The following DMRT3 variants were observed in gnomAD, a reference collection of about 807,000 sequenced individuals.
DMRT3 encodes the protein doublesex and mab-3 related transcription factor 3.
Under a neutral mutation model 34.9 loss-of-function variants are expected in DMRT3, and 29 were observed. The ratio of observed to expected loss-of-function variants is 0.83; its 90% confidence interval spans 0.62 to 1.13. The LOEUF is 1.13. DMRT3 is among the 50% of genes most tolerant of loss of function. The probability of loss-of-function intolerance (pLI) is 0.00; values close to 1 mark genes in which losing one functional copy is unlikely to be tolerated. For synonymous variants in DMRT3, 350 were observed against 286.0 expected (o/e 1.22, Z -2.26); for missense variants, 772 against 629.1 (o/e 1.23, Z -2.43).
intron 1 of DMRT3, among the ~76,000 whole-genome samples, chr9:986,890 C>CA (rs5895884): frequency 0.54 from 75,001 of 138,570 alleles, 20,570 homozygotes; most frequent in Middle Eastern, 0.7. Flanking sequence ...GACTCTGTCT[C>CA]AAAAAAAAAA....
In DMRT3 at chr9:977,167, G is replaced by A. The variant is rs762982413; in HGVS notation, c.166G>A (p.Glu56Lys). 6.2e-7 allele frequency: 1 copy of A among 1,611,624 alleles called. No homozygotes were observed. The highest frequency in any genetic ancestry group is 2.2e-5 in the East Asian group (1 of 44,820). The change falls in exon 1 of 2, where the codon GAG (glutamate) becomes AAG (lysine). Residue 56 changes from glutamate to lysine, a missense_variant. Glu to Lys is a moderately conservative substitution (Grantham distance 56). Transcript: ENST00000190165. ...RYCRFKDCTC[E>K]KCILIIERQR... Reference sequence around the variant, plus strand: ...CTGCCGCTTCAAGGACTGCACCTGCGAGAAGTGCATCCTCATCATCGAGCG... The same window carrying A: ...CTGCCGCTTCAAGGACTGCACCTGCAAGAAGTGCATCCTCATCATCGAGCG...
rs1379755608 is a variant in DMRT3, at chr9:977,014, G to A, written c.13G>A (p.Gly5Ser). The change falls in exon 1 of 2, where the codon GGC (glycine) becomes AGC (serine). Residue 5 changes from glycine to serine, a missense_variant. Coordinates refer to ENST00000190165, the MANE Select transcript of DMRT3 (RefSeq NM_021240.4). MNGY[G>S]SPYLYMGGPV... is the part of the protein sequence containing the mutation. ...GGGAGCCCGGGGCATGAACGGCTAC[G>A]GCTCCCCCTACCTGTACATGGGCGG... 1.3e-6 allele frequency: 2 copies of A among 1,515,978 alleles called. No homozygotes were observed. The highest frequency in any genetic ancestry group is 4.6e-5 in the Admixed American group (2 of 43,914). 93.9% of individuals were successfully genotyped at this position (1,515,978 alleles called of 1,614,324 possible).
chr9:990,975 A>G lies in DMRT3; in HGVS notation c.1389A>G (p.Ser463=), dbSNP rs1438471683. Residue 463 remains serine (S), a synonymous_variant, in exon 2 of 2, where the codon TCA becomes TCG. Transcript: ENST00000190165. ...ACTATGACGAGAGGTCTGACTCCTC[A>G]GACTCTAGAACACTCAACACATCAT... ...EDDYDERSDS[S]DSRTLNTSS The G allele has an allele frequency of 2.5e-6, 4 of 1,613,874 alleles. No homozygotes were observed. The highest frequency in any genetic ancestry group is 2.2e-5 in the South Asian group (2 of 91,054).
chr9:987,431 TG>T (rs1820300037), intron 1 of DMRT3, among the ~76,000 whole-genome samples: 1 of 145,714 alleles, frequency 6.9e-6, no homozygotes, highest in African/African-American at 2.7e-5. Context: ...TGTGTGTGTG[TG>T]TGTGTGTGTG....
chr9:979,795 A>G (rs1304413900), intron 1 of DMRT3, among the ~76,000 whole-genome samples: 2 of 152,144 alleles, frequency 1.3e-5, no homozygotes, highest in Non-Finnish European at 2.9e-5. Context: ...TAGGTATTAT[A>G]CCCTTTTTGC....
In DMRT3 at chr9:990,572, C is replaced by T. The variant is rs1820346141; in HGVS notation, c.986C>T (p.Ser329Phe). Reference sequence around the variant, plus strand: ...TACCCCATCTCGTCTTCCAAATGGTCTGTGGGATCAGCCTTTCGAGTCCCA... The same window carrying T: ...TACCCCATCTCGTCTTCCAAATGGTTTGTGGGATCAGCCTTTCGAGTCCCA... Reference protein sequence around the residue: ...SSYPISSSKWSVGSAFRVPDT... With the variant: ...SSYPISSSKWFVGSAFRVPDT... Residue 329 changes from serine to phenylalanine, a missense_variant, in exon 2 of 2, where the codon TCT becomes TTT. Physicochemically the swap from Ser to Phe is radical, Grantham distance 155 (BLOSUM62 -2). Transcript: ENST00000190165. 5.0e-6 allele frequency: 8 copies of T among 1,614,134 alleles called. No individual in the cohort carries two copies. Among genetic ancestry groups the T allele is most frequent in the Non-Finnish European group, 6.8e-6 (8 of 1,180,038 alleles).
In DMRT3 at chr9:990,228, C is replaced by G; in HGVS notation, c.642C>G (p.Pro214=). The G allele has an allele frequency of 3.0e-5, 48 of 1,614,026 alleles. No homozygotes were observed. Among genetic ancestry groups the G allele is most frequent in the Non-Finnish European group, 4.0e-5 (47 of 1,180,020 alleles). ...CTGTCCAGAAAAACGGAGGCAACCC[C>G]GAGAGCCGCCCTGACAGCCCCAAGT... ...GYAVQKNGGN[P]ESRPDSPKCH... is the part of the protein sequence containing the mutation. The change falls in exon 2 of 2, where the codon CCC becomes CCG. Residue 214 remains proline (P), a synonymous_variant. Coordinates refer to ENST00000190165, the MANE Select transcript of DMRT3 (RefSeq NM_021240.4).
In DMRT3 at chr9:991,016, G is replaced by A. The variant is rs867636559; in HGVS notation, c.*11G>A. The stretch of plus-strand genomic sequence containing the variant: ...AACACATCATCTTAAAGTGGTGCTG[G>A]ATGGGTGGTGGCCAGGTGACATTTT... On this transcript the variant is annotated 3_prime_UTR_variant, in exon 2 of 2. Coordinates refer to ENST00000190165, the MANE Select transcript of DMRT3 (RefSeq NM_021240.4). 2 of 1,596,040 alleles carry A rather than the reference G, an allele frequency of 1.3e-6. No homozygotes were observed. Among genetic ancestry groups the A allele is most frequent in the Non-Finnish European group, 8.6e-7 (1 of 1,167,402 alleles).
chr9:983,254 A>C (rs572306970), intron 1 of DMRT3, among the ~76,000 whole-genome samples: 1 of 152,340 alleles, frequency 6.6e-6, no homozygotes, highest in African/African-American at 2.4e-5. Context: ...CTTGATTACA[A>C]CAACTAGGCA....
In DMRT3 at chr9:990,233, G is replaced by T; in HGVS notation, c.647G>T (p.Ser216Ile). 1 of 1,614,042 alleles carries T rather than the reference G, an allele frequency of 6.2e-7. No individual in the cohort carries two copies. Among genetic ancestry groups the T allele is most frequent in the Non-Finnish European group, 8.5e-7 (1 of 1,180,040 alleles). The change falls in exon 2 of 2, where the codon AGC becomes ATC. Residue 216 changes from serine to isoleucine, a missense_variant. Transcript: ENST00000190165. Reference sequence around the variant, plus strand: ...CAGAAAAACGGAGGCAACCCCGAGAGCCGCCCTGACAGCCCCAAGTGTCAC... The same window carrying T: ...CAGAAAAACGGAGGCAACCCCGAGATCCGCCCTGACAGCCCCAAGTGTCAC... ...AVQKNGGNPE[S>I]RPDSPKCHAE... is the part of the protein sequence containing the mutation.
Position 990,792 on chromosome 9 carries a change from G to C in DMRT3, c.1206G>C (p.Gln402His). The C allele has an allele frequency of 6.2e-7, 1 of 1,614,170 alleles. No individual in the cohort carries two copies. The highest frequency in any genetic ancestry group is 2.2e-5 in the East Asian group (1 of 44,878). The change falls in exon 2 of 2, where the codon CAG becomes CAC. Residue 402 changes from glutamine (Q) to histidine (H), a missense_variant. Coordinates refer to ENST00000190165, the MANE Select transcript of DMRT3 (RefSeq NM_021240.4). ...CCATGACGCTGCAGCAGCAGTATCA[G>C]CTGAGGTCCCAGTATGTCAGTCCTT... Reference protein sequence around the residue: ...WNTMTLQQQYQLRSQYVSPFP... With the variant: ...WNTMTLQQQYHLRSQYVSPFP...
In DMRT3 at chr9:990,577, G is replaced by A; in HGVS notation, c.991G>A (p.Gly331Arg). The change falls in exon 2 of 2, where the codon GGA becomes AGA. Residue 331 changes from glycine to arginine, a missense_variant. By Grantham distance (125) the Gly-to-Arg change is moderately radical. Coordinates refer to ENST00000190165, the MANE Select transcript of DMRT3 (RefSeq NM_021240.4). Reference protein sequence around the residue: ...YPISSSKWSVGSAFRVPDTLR... With the variant: ...YPISSSKWSVRSAFRVPDTLR... ...CATCTCGTCTTCCAAATGGTCTGTGGGATCAGCCTTTCGAGTCCCAGACAC... is the reference window on the plus strand; with the variant it reads ...CATCTCGTCTTCCAAATGGTCTGTGAGATCAGCCTTTCGAGTCCCAGACAC... 3 of 1,614,106 alleles carry A rather than the reference G, an allele frequency of 1.9e-6. No individual in the cohort carries two copies. The highest frequency in any genetic ancestry group is 8.5e-7 in the Non-Finnish European group (1 of 1,180,030).
intron 1 of DMRT3, among the ~76,000 whole-genome samples, chr9:985,714 A>G (rs1820275227): frequency 1.3e-5 from 2 of 152,222 alleles, no homozygotes; most frequent in Non-Finnish European, 2.9e-5. Context: ...TTGTTTGGTG[A>G]GGAGTTATTC....
Position 990,076 on chromosome 9 carries a change from G to C in DMRT3, c.490G>C (p.Ala164Pro), listed in dbSNP as rs10978001. Reference sequence around the variant, plus strand: ...AGAACGACTTGGAGACGGCAAGTCGGCAGACAATACAGAGGTCTTCAGTGA... The same window carrying C: ...AGAACGACTTGGAGACGGCAAGTCGCCAGACAATACAGAGGTCTTCAGTGA... ...TEERLGDGKSADNTEVFSDKD... is the reference protein window; with the variant it reads ...TEERLGDGKSPDNTEVFSDKD... Residue 164 changes from alanine (A) to proline (P), a missense_variant, in exon 2 of 2, where the codon GCA (alanine) becomes CCA (proline). Ala to Pro is a conservative substitution (Grantham distance 27, BLOSUM62 -1). Transcript: ENST00000190165. The C allele has an allele frequency of 1.9e-6, 3 of 1,613,746 alleles. No individual in the cohort carries two copies. The Admixed American group carries it at 5.0e-5, about 27-fold the overall frequency.
intron 1 of DMRT3, among the ~76,000 whole-genome samples, chr9:983,458 A>G (rs1346080700): frequency 6.6e-6 from 1 of 152,190 alleles, no homozygotes; most frequent in African/African-American, 2.4e-5. Context: ...TCACTGTGAA[A>G]TATAACCAAC....
intron 1 of DMRT3, among the ~76,000 whole-genome samples, chr9:985,061 G>C (rs771045956): frequency 1.3e-5 from 2 of 152,018 alleles, no homozygotes; most frequent in Admixed American, 6.6e-5. Context: ...CTTTTTAATT[G>C]AATATCTACT....
At chr9:982,788 C>A (rs1396518009) in intron 1 of DMRT3, among the ~76,000 whole-genome samples, 5 of 152,210 alleles carry the variant, frequency 3.3e-5, no homozygotes, top group Non-Finnish European at 7.3e-5. Context: ...CATGGGCCTG[C>A]CTGCCCTGCC....
chr9:981,308 G>T (rs1191467855), intron 1 of DMRT3, among the ~76,000 whole-genome samples: 2 of 151,730 alleles, frequency 1.3e-5, no homozygotes, highest in African/African-American at 4.8e-5. Flanking sequence ...ACCTGCAAGT[G>T]TAATGGGTGT....
Position 991,005 on chromosome 9 carries a change from A to T in DMRT3, c.1419A>T (p.Ter473TyrextTer10), listed in dbSNP as rs1467114274. 1 of 1,604,972 alleles carries T rather than the reference A, an allele frequency of 6.2e-7. No homozygotes were observed. The highest frequency in any genetic ancestry group is 1.7e-5 in the Admixed American group (1 of 59,756). ...CTAGAACACTCAACACATCATCTTA[A>T]AGTGGTGCTGGATGGGTGGTGGCCA... is the stretch of plus-strand genomic sequence containing the variant. The part of the protein sequence containing the change: ...SDSRTLNTSS[*>Y] The change falls in exon 2 of 2, where the codon TAA becomes TAT. Residue 473 changes from the stop codon to tyrosine, a stop_lost. Coordinates refer to ENST00000190165, the MANE Select transcript of DMRT3 (RefSeq NM_021240.4).
Sources: gnomAD v4.1 joint callset for allele counts (sites outside exome capture counted in the v4.1 genomes callset) on GRCh38, gnomAD v4.1.1 for gene constraint, MANE v1.5 for transcripts, NCBI Gene and HGNC (gene_info 2026-07-23, HGNC 2026-07-21) for gene names.